Variants in NRF1 observed in about 807,000 individuals in gnomAD.
NRF1 encodes nuclear respiratory factor 1.
A neutral mutation model predicts 58.5 loss-of-function variants in NRF1; 5 were observed. The ratio of observed to expected loss-of-function variants is 0.09; its 90% CI spans 0.04 to 0.18. NRF1 has a LOEUF of 0.18. Ranked by LOEUF, NRF1 falls within the 10% of genes least tolerant of loss-of-function variation. NRF1 has a pLI of 1.00. For synonymous variants in NRF1, 224 were observed against 246.7 expected (o/e 0.91, Z 0.86); for missense variants, 288 against 657.7 (o/e 0.44, Z 6.15).
At chr7:129,686,486 T>C (rs572274906) in intron 4 of NRF1, among the ~76,000 whole-genome samples, 1 of 152,344 alleles carries the variant, frequency 6.6e-6, no homozygotes, top group South Asian at 2.1e-4. Flanking sequence ...AAAATTTGTT[T>C]GATTTTTGGC....
chr7:129,684,313 A>G (rs1481676379), intron 4 of NRF1, among the ~76,000 whole-genome samples: 1 of 152,220 alleles, frequency 6.6e-6, no homozygotes, highest in South Asian at 2.1e-4. Context: ...TAGAAACAAG[A>G]TAGCTGTAAT....
intron 1 of NRF1, among the ~76,000 whole-genome samples, chr7:129,627,792 T>C (rs989355734): frequency 1.3e-5 from 2 of 152,186 alleles, no homozygotes; most frequent in African/African-American, 4.8e-5. Context: ...CAATTGAAAT[T>C]GATTTAACAC....
chr7:129,751,610 TCA>T (rs1442812007), intron 10 of NRF1, among the ~76,000 whole-genome samples: 1 of 152,274 alleles, frequency 6.6e-6, no homozygotes, highest in African/African-American at 2.4e-5. Flanking sequence ...AGATGGTTGC[TCA>T]CAGTTAGTTA....
At chr7:129,636,052 G>A (rs1169617667) in intron 1 of NRF1, among the ~76,000 whole-genome samples, 1 of 152,104 alleles carries the variant, frequency 6.6e-6, no homozygotes, top group Non-Finnish European at 1.5e-5. Flanking sequence ...ATCTTTAAAA[G>A]TGGAGTGCCC....
chr7:129,710,644 A>T (rs1283396769), intron 7 of NRF1, 73 bp downstream of exon 7: 1 of 808,544 alleles, frequency 1.2e-6, no homozygotes, highest in Non-Finnish European at 2.2e-6. Flanking sequence ...CAGACTAGGG[A>T]AAGTTTCCTT....
intron 10 of NRF1, chr7:129,734,940 C>T (rs1803671149): frequency 2.1e-6 from 1 of 483,288 alleles, no homozygotes; most frequent in Non-Finnish European, 2.7e-6. Flanking sequence ...CTGTCTCTAA[C>T]AAAGTTGAGA....
rs573557573 is a variant in NRF1 at position 129,734,990 on chromosome 7, G to T, written c.1348+7625G>T. ...CTGTGGATCCTGGGGAAAGGGTCAG[G>T]GGCGTGTTCATTTTTGCCTGGAGCG... On this transcript the variant is annotated intron_variant, in intron 10 of 10. Coordinates refer to ENST00000393232, the MANE Select transcript of NRF1 (RefSeq NM_005011.5). The T allele has an allele frequency of 4.5e-5, 40 of 887,590 alleles. No individual in the cohort carries two copies. The African/African-American group carries it at 6.7e-4, about 15-fold the overall frequency. The allele number at this position is 887,590 out of a possible 1,614,324, so 55.0% of individuals were successfully genotyped here.
chr7:129,628,479 TTTAA>T (rs535308364), intron 1 of NRF1, among the ~76,000 whole-genome samples: 108 of 152,306 alleles, frequency 7.1e-4, no homozygotes, highest in African/African-American at 2.3e-3. Context: ...AAGTTAATAT[TTTAA>T]TTATGTTACT....
At chr7:129,645,359 G>A (rs770159544) in intron 1 of NRF1, among the ~76,000 whole-genome samples, 11 of 152,302 alleles carry the variant, frequency 7.2e-5, no homozygotes, top group Non-Finnish European at 1.2e-4. Flanking sequence ...CCACCCCGCC[G>A]GAGAAGTGAG....
At chr7:129,740,085 GTCC>G (rs1488518455) in intron 10 of NRF1, among the ~76,000 whole-genome samples, 1 of 152,186 alleles carries the variant, frequency 6.6e-6, no homozygotes, top group Non-Finnish European at 1.5e-5. Context: ...TCTCAAACGT[GTCC>G]TCCTCCTCTG....
chr7:129,675,157 C>T (rs1802147848), intron 3 of NRF1, among the ~76,000 whole-genome samples: 1 of 152,210 alleles, frequency 6.6e-6, no homozygotes, highest in Non-Finnish European at 1.5e-5. Flanking sequence ...CAATAAGAAG[C>T]ACCTCTCATC....
chr7:129,630,928 C>T lies in NRF1; in HGVS notation c.-7+19104C>T, dbSNP rs75810654. 9.3e-4 allele frequency among the ~76,000 whole-genome samples: 142 copies of T among 152,228 alleles called. 3 individuals are homozygous for T. In the East Asian group the frequency reaches 0.018, roughly 19 times the overall value. ...TAAAAAAATTATTTTGTAGGCATTT[C>T]GAAGTTTGACCTCCTTTTTGTCCTA... is the stretch of plus-strand genomic sequence containing the variant. On this transcript the variant is annotated intron_variant, in intron 1 of 10. Coordinates refer to ENST00000393232, the MANE Select transcript of NRF1 (RefSeq NM_005011.5).
chr7:129,630,236 T>C (rs1801017474), intron 1 of NRF1: 2 of 152,208 alleles, frequency 1.3e-5, no homozygotes, highest in African/African-American at 4.8e-5. Context: ...TTTGTGAGAA[T>C]AGAGTGAACA....
intron 1 of NRF1, among the ~76,000 whole-genome samples, chr7:129,620,758 A>T (rs948684754): frequency 7.2e-5 from 11 of 152,220 alleles, no homozygotes; most frequent in African/African-American, 2.7e-4. Context: ...GTTGGAAAAA[A>T]ATTTTTCTAC....
intron 9 of NRF1, among the ~76,000 whole-genome samples, chr7:129,719,541 C>T (rs1803270767): frequency 7.3e-6 from 1 of 137,016 alleles, no homozygotes; most frequent in African/African-American, 2.8e-5. Flanking sequence ...CACACACACA[C>T]ACAACACATC....
chr7:129,689,241 C>T (rs1336169897), intron 4 of NRF1, among the ~76,000 whole-genome samples: 1 of 152,044 alleles, frequency 6.6e-6, no homozygotes, highest in Non-Finnish European at 1.5e-5. Context: ...TTTCCAGATG[C>T]TTGGGGTAGA....
chr7:129,728,807 A>G (rs2116255811), intron 10 of NRF1, among the ~76,000 whole-genome samples: 1 of 152,310 alleles, frequency 6.6e-6, no homozygotes, highest in Admixed American at 6.5e-5. Flanking sequence ...ACTATAGCCT[A>G]CTTTTTCTGT....
intron 5 of NRF1, among the ~76,000 whole-genome samples, chr7:129,707,466 AT>A (rs549766831): frequency 3.9e-5 from 6 of 152,012 alleles, no homozygotes; most frequent in Non-Finnish European, 7.4e-5. Flanking sequence ...TGAGAAAGCC[AT>A]TTTTTTTAAC....
intron 1 of NRF1, among the ~76,000 whole-genome samples, chr7:129,636,653 T>C (rs1241470382): frequency 6.6e-6 from 1 of 152,218 alleles, no homozygotes; most frequent in African/African-American, 2.4e-5. Context: ...TTTGGGGAAT[T>C]TGATCAATGT....
Sources: gnomAD v4.1 joint callset for allele counts (sites outside exome capture counted in the v4.1 genomes callset) on GRCh38, gnomAD v4.1.1 for gene constraint, MANE v1.5 for transcripts, NCBI Gene and HGNC (gene_info 2026-07-23, HGNC 2026-07-21) for gene names.